PHACTR1: variants seen among roughly 807,000 people sequenced by gnomAD.
PHACTR1 encodes RPEL repeat containing 1.
Under a neutral mutation model 69.2 loss-of-function variants are expected in PHACTR1, and 16 were observed. That is an observed-to-expected ratio of 0.23 (90% CI 0.16 to 0.35). The LOEUF is 0.35. PHACTR1 is among the 10% of genes least tolerant of loss of function. The probability of loss-of-function intolerance (pLI) is 1.00; values close to 1 mark genes in which losing one functional copy is unlikely to be tolerated. For missense variants in PHACTR1, 510 were observed against 734.7 expected (o/e 0.69, Z 3.54); for synonymous variants, 312 against 284.5 (o/e 1.10, Z -0.97).
intron 4 of PHACTR1, among the ~76,000 whole-genome samples, chr6:12,883,326 T>C (rs566566715): frequency 6.6e-6 from 1 of 152,214 alleles, no homozygotes; most frequent in Admixed American, 6.5e-5. Flanking sequence ...CAATTCTCCC[T>C]GCCTCAGCTT....
At chr6:13,261,329 C>A (rs1279011392) in intron 10 of PHACTR1, among the ~76,000 whole-genome samples, 1 of 152,006 alleles carries the variant, frequency 6.6e-6, no homozygotes, top group African/African-American at 2.4e-5. Context: ...AAGGAAAGAA[C>A]CAAGAAAGAG....
At chr6:13,096,917 T>C (rs918164181) in intron 5 of PHACTR1, among the ~76,000 whole-genome samples, 1 of 152,158 alleles carries the variant, frequency 6.6e-6, no homozygotes, top group Non-Finnish European at 1.5e-5. Context: ...ATTGCATCTG[T>C]GTGCAATAAG....
At chr6:12,799,448 A>G (rs1773453634) in intron 4 of PHACTR1, among the ~76,000 whole-genome samples, 1 of 152,238 alleles carries the variant, frequency 6.6e-6, no homozygotes, top group South Asian at 2.1e-4. Context: ...TCTTCATGAA[A>G]AAGAACTATA....
intron 8 of PHACTR1, among the ~76,000 whole-genome samples, chr6:13,211,435 C>T (rs537324231): frequency 5.9e-5 from 9 of 152,068 alleles, no homozygotes; most frequent in Admixed American, 2.6e-4. Context: ...ATCAGGACGC[C>T]GTTTCTTTCT....
chr6:13,073,366 CAG>C, intron 5 of PHACTR1, among the ~76,000 whole-genome samples: 1 of 44,108 alleles, frequency 2.3e-5, no homozygotes, highest in African/African-American at 6.7e-5. Context: ...TTTTTTGAGA[CAG>C]AGTCTCACTC....
chr6:12,732,770 A>C (rs574160718), intron 3 of PHACTR1, among the ~76,000 whole-genome samples: 1 of 152,332 alleles, frequency 6.6e-6, no homozygotes, highest in Non-Finnish European at 1.5e-5. Flanking sequence ...TTAAACAATA[A>C]AATAATTCTT....
chr6:12,905,516 C>T (rs548534908), intron 4 of PHACTR1, among the ~76,000 whole-genome samples: 14 of 152,180 alleles, frequency 9.2e-5, no homozygotes, highest in South Asian at 2.1e-4. Flanking sequence ...GAGGGTGACA[C>T]GGTCTTTGCT....
rs10664160 is a variant in PHACTR1 at position 13,073,331 on chromosome 6, ATTTTTTTTTTTT to A, written c.415+19821_415+19832del. ...ATTCCTTCAACCAATCATTCCATGA[ATTTTTTTTTTTT>A]TTTTTTTTTTTTTTTTTTGAGACAG... is the stretch of plus-strand genomic sequence containing the variant. On this transcript the variant is annotated intron_variant, in intron 5 of 14. Coordinates refer to ENST00000332995, the MANE Select transcript of PHACTR1 (RefSeq NM_030948.6). Among the ~76,000 whole-genome samples, 83 of 65,692 alleles carry A rather than the reference ATTTTTTTTTTTT, an allele frequency of 1.3e-3. 2 individuals carry two copies. The highest frequency in any genetic ancestry group is 4.9e-3 in the African/African-American group (72 of 14,716). The allele number at this position is 65,692 out of a possible 152,430, so 43.1% of individuals were successfully genotyped here. A position where few individuals can be genotyped will look rare whatever the true frequency, so the allele number is the denominator to read the frequency against.
At chr6:12,935,929 G>A (rs937948947) in intron 4 of PHACTR1, among the ~76,000 whole-genome samples, 7 of 151,852 alleles carry the variant, frequency 4.6e-5, no homozygotes, top group Non-Finnish European at 7.4e-5. Flanking sequence ...CTCATGGCTG[G>A]GAGGTATGTT....
At chr6:12,776,081 T>C (rs1348843154) in intron 4 of PHACTR1, among the ~76,000 whole-genome samples, 3 of 152,218 alleles carry the variant, frequency 2.0e-5, no homozygotes, top group African/African-American at 7.2e-5. Context: ...ATAAACAAAC[T>C]ACTGTCTAAA....
intron 5 of PHACTR1, among the ~76,000 whole-genome samples, chr6:13,093,248 C>A (rs1813576353): frequency 6.6e-6 from 1 of 152,120 alleles, no homozygotes; most frequent in Non-Finnish European, 1.5e-5. Context: ...GTTTTTAATG[C>A]ATTAATATGA....
Position 12,774,031 on chromosome 6 carries a change from A to C in PHACTR1, c.250+24241A>C, listed in dbSNP as rs562518169. Among the ~76,000 whole-genome samples, 76 of 152,348 alleles carry C rather than the reference A, an allele frequency of 5.0e-4. No individual in the cohort carries two copies. The South Asian group carries it at 0.016, about 32-fold the overall frequency. ...CTAAAGAGTACATCTGGAAGGAAAA[A>C]GAACGAGAGAGTAAGATGGGTACAA... On this transcript the variant is annotated intron_variant, in intron 4 of 14. Transcript: ENST00000332995.
rs1233308816 is a variant in PHACTR1 at position 13,230,020 on chromosome 6, A to G, written c.1235-17A>G. 1 of 1,594,308 alleles carries G rather than the reference A, an allele frequency of 6.3e-7. No individual in the cohort carries two copies. Among genetic ancestry groups the G allele is most frequent in the Non-Finnish European group, 8.5e-7 (1 of 1,170,188 alleles). On this transcript the variant is annotated splice_polypyrimidine_tract_variant and intron_variant, in intron 9 of 14. Coordinates refer to ENST00000332995, the MANE Select transcript of PHACTR1 (RefSeq NM_030948.6). Reference sequence around the variant, plus strand: ...CAGATATGTAAGCCTTAATTGACTCATTTCTGTCTCCTACAGGCTCCCTGG... The same window carrying G: ...CAGATATGTAAGCCTTAATTGACTCGTTTCTGTCTCCTACAGGCTCCCTGG...
chr6:13,161,474 A>G (rs77076200), intron 6 of PHACTR1, among the ~76,000 whole-genome samples: 4,081 of 152,062 alleles, frequency 0.027, 69 homozygotes, highest in Middle Eastern at 0.037. Flanking sequence ...TTTCTATGTC[A>G]GGTCTTCTGA....
intron 8 of PHACTR1, 131 bp from the exon 9 acceptor site, chr6:13,227,685 A>T: frequency 1.6e-6 from 2 of 1,221,074 alleles, no homozygotes; most frequent in Non-Finnish European, 2.3e-6. Flanking sequence ...AAGATGAGCA[A>T]TGGAACTTTA....
chr6:12,940,571 C>G (rs1029161753), intron 4 of PHACTR1, among the ~76,000 whole-genome samples: 2 of 152,160 alleles, frequency 1.3e-5, no homozygotes, highest in Admixed American at 1.3e-4. Flanking sequence ...AGGTGGAAGT[C>G]CTCATGGAAC....
At chr6:13,065,701 A>G (rs1414663750) in intron 5 of PHACTR1, among the ~76,000 whole-genome samples, 1 of 152,182 alleles carries the variant, frequency 6.6e-6, no homozygotes, top group Admixed American at 6.5e-5. Flanking sequence ...ATTTGCCTTA[A>G]CATGGCTGTG....
At chr6:12,850,686 G>A (rs1047075970) in intron 4 of PHACTR1, among the ~76,000 whole-genome samples, 1 of 152,198 alleles carries the variant, frequency 6.6e-6, no homozygotes, top group Non-Finnish European at 1.5e-5. Context: ...GGCTCTAGGG[G>A]AGGAGCCTCC....
intron 4 of PHACTR1, among the ~76,000 whole-genome samples, chr6:12,960,346 T>C (rs1447187553): frequency 1.3e-5 from 2 of 152,252 alleles, no homozygotes; most frequent in African/African-American, 4.8e-5. Context: ...CTTTTTCCCT[T>C]GAATGTGCCA....
Sources: allele counts gnomAD v4.1 joint callset (sites outside exome capture counted in the v4.1 genomes callset), GRCh38; gene constraint gnomAD v4.1.1; transcripts MANE v1.5; gene names NCBI Gene and HGNC (gene_info 2026-07-23, HGNC 2026-07-21).